SASH1: variants seen among roughly 807,000 people sequenced by gnomAD.
SASH1 encodes the protein SAM and SH3 domain-containing protein 1.
A neutral mutation model predicts 125.2 loss-of-function variants in SASH1; 44 were observed. The ratio of observed to expected loss-of-function variants is 0.35; its 90% CI spans 0.28 to 0.45. The LOEUF is 0.45. Ranked by LOEUF, SASH1 falls within the 20% of genes least tolerant of loss-of-function variation. The pLI is 1.00. For synonymous variants in SASH1, 639 were observed against 649.1 expected, an observed-to-expected ratio of 0.98 and a Z score of 0.24; for missense variants, 1,426 against 1,614.5, an observed-to-expected ratio of 0.88 and a Z score of 2.00.
chr6:148,354,827 A>G (rs572821070), intron 1 of SASH1, among the ~76,000 whole-genome samples: 140 of 152,274 alleles, frequency 9.2e-4, no homozygotes, highest in African/African-American at 3.2e-3. Flanking sequence ...CAGTGGCGCA[A>G]TCTCGGCTCA....
At chr6:148,341,322 T>G (rs575235401), upstream of SASH1, among the ~76,000 whole-genome samples, 12 of 146,958 alleles carry the variant, frequency 8.2e-5, no homozygotes, top group South Asian at 6.4e-4. Flanking sequence ...GTTTTGTTTT[T>G]TTTTTTTGTT....
At position 148,476,157 on chromosome 6, in the gene SASH1, A is replaced by G. The variant is rs566214994; in HGVS notation, c.627+1935A>G. 4.6e-5 allele frequency among the ~76,000 whole-genome samples: 7 copies of G among 152,212 alleles called. No individual in the cohort carries two copies. In the South Asian group the frequency reaches 8.3e-4, roughly 18 times the overall value. On this transcript the variant is annotated intron_variant, in intron 7 of 19. Coordinates refer to ENST00000367467, the MANE Select transcript of SASH1 (RefSeq NM_015278.5). The stretch of plus-strand genomic sequence containing the variant: ...GCAACAAATACTCTGAAAAGAAATC[A>G]AGAAAGTAATCCCATTTATAGTAGC...
chr6:148,549,495 G>T lies in SASH1; in HGVS notation c.*937G>T, dbSNP rs555742847. 1.0e-5 allele frequency: 4 copies of T among 397,402 alleles called. No individual in the cohort carries two copies. In the East Asian group the frequency reaches 1.4e-4, roughly 14 times the overall value. The allele number at this position is 397,402 out of a possible 1,614,324, so 24.6% of individuals were successfully genotyped here. A position where few individuals can be genotyped will look rare whatever the true frequency, so the allele number is the denominator to read the frequency against. On this transcript the variant is annotated 3_prime_UTR_variant, in exon 20 of 20. Coordinates refer to ENST00000367467, the MANE Select transcript of SASH1 (RefSeq NM_015278.5). The stretch of plus-strand genomic sequence containing the variant: ...TAGTATCGTTACTGTGTGGATCGTC[G>T]CGCTGCAGTATTGACTTGGAATCCT...
At chr6:148,260,533 A>G in the SASH1 span, among the ~76,000 whole-genome samples, 118,091 of 151,206 alleles carry the variant, frequency 0.78, 46,513 homozygotes, top group African/African-American at 0.88. Flanking sequence ...TTAAGCCCGG[A>G]AGTTTGAGAC....
At chr6:148,256,091 A>G in the SASH1 span, among the ~76,000 whole-genome samples, 1 of 152,170 alleles carries the variant, frequency 6.6e-6, no homozygotes, top group Non-Finnish European at 1.5e-5. Context: ...TTACTTGACA[A>G]TTTTGTGCCT....
intron 8 of SASH1, among the ~76,000 whole-genome samples, chr6:148,497,251 C>T (rs1779352433): frequency 6.6e-6 from 1 of 152,152 alleles, no homozygotes; most frequent in Admixed American, 6.6e-5. Flanking sequence ...ATAAGCTGCC[C>T]AGGAGCCATT....
intron 8 of SASH1, chr6:148,512,713 C>G: frequency 1.0e-6 from 1 of 985,378 alleles, no homozygotes; most frequent in Non-Finnish European, 1.2e-6. Context: ...AGTTCCCATT[C>G]TTTATTACTA....
intron 1 of SASH1, among the ~76,000 whole-genome samples, chr6:148,304,488 A>G (rs1181490444): frequency 6.7e-6 from 1 of 149,624 alleles, no homozygotes; most frequent in East Asian, 2.0e-4. Flanking sequence ...GTGGGCGCCT[A>G]TAATCCTAGC....
chr6:148,433,001 A>AG (rs1776128375), intron 2 of SASH1, among the ~76,000 whole-genome samples: 1 of 152,240 alleles, frequency 6.6e-6, no homozygotes, highest in Admixed American at 6.5e-5. Flanking sequence ...AAGCACACAC[A>AG]GGTACACATT....
intron 1 of SASH1, among the ~76,000 whole-genome samples, chr6:148,362,056 G>A (rs1583023587): frequency 6.7e-6 from 1 of 150,366 alleles, no homozygotes; most frequent in Non-Finnish European, 1.5e-5. Flanking sequence ...TGGGACTACA[G>A]ACGCCCACAA....
chr6:148,358,611 ACT>A (rs376597262), intron 1 of SASH1, among the ~76,000 whole-genome samples: 74 of 151,660 alleles, frequency 4.9e-4, no homozygotes, highest in African/African-American at 1.7e-3. Flanking sequence ...ATATGGCCAG[ACT>A]CTTAACTATC....
chr6:148,301,178 T>A (rs1014456771), intron 1 of SASH1, among the ~76,000 whole-genome samples: 13 of 151,518 alleles, frequency 8.6e-5, no homozygotes, highest in African/African-American at 2.7e-4. Flanking sequence ...AATACAAAAT[T>A]AGCCGGGAGT....
At chr6:148,230,617 C>A in the SASH1 span, among the ~76,000 whole-genome samples, 1 of 152,212 alleles carries the variant, frequency 6.6e-6, no homozygotes, top group Admixed American at 6.5e-5. Context: ...CCTTTTACAT[C>A]CTCACCAGCG....
At chr6:148,514,772 T>G (rs532420520) in intron 9 of SASH1, among the ~76,000 whole-genome samples, 1 of 152,252 alleles carries the variant, frequency 6.6e-6, no homozygotes, top group East Asian at 1.9e-4. Context: ...ATATAAACTT[T>G]CTAACTTTTT....
At chr6:148,437,319 T>C (rs1776332037) in intron 2 of SASH1, among the ~76,000 whole-genome samples, 1 of 152,212 alleles carries the variant, frequency 6.6e-6, no homozygotes, top group Admixed American at 6.5e-5. Context: ...AAGACATGCA[T>C]CTAAATGATG....
At chr6:148,456,243 C>T (rs1777338539) in intron 4 of SASH1, among the ~76,000 whole-genome samples, 1 of 152,084 alleles carries the variant, frequency 6.6e-6, no homozygotes, top group African/African-American at 2.4e-5. Context: ...CTCACTTTCC[C>T]CCTAGGTTCT....
chr6:148,422,920 G>T (rs887381929), intron 2 of SASH1, among the ~76,000 whole-genome samples: 1 of 152,010 alleles, frequency 6.6e-6, no homozygotes, highest in Non-Finnish European at 1.5e-5. Context: ...ATCTATCCGT[G>T]TGTGGTTTTT....
intron 1 of SASH1, among the ~76,000 whole-genome samples, chr6:148,382,839 G>T (rs1460315702): frequency 2.6e-5 from 4 of 152,212 alleles, no homozygotes; most frequent in Non-Finnish European, 5.9e-5. Context: ...GGGATGGAAG[G>T]TATGAAATAA....
chr6:148,321,121 G>A (rs773200539), intron 1 of SASH1, among the ~76,000 whole-genome samples: 7 of 152,138 alleles, frequency 4.6e-5, no homozygotes, highest in Non-Finnish European at 1.0e-4. Flanking sequence ...GGCCAGGCGC[G>A]GTGGCTCACA....
Sources: gnomAD v4.1 joint callset for allele counts (sites outside exome capture counted in the v4.1 genomes callset) on GRCh38, gnomAD v4.1.1 for gene constraint, MANE v1.5 for transcripts, NCBI Gene and HGNC (gene_info 2026-07-23, HGNC 2026-07-21) for gene names.